The following TACC2 variants were observed in gnomAD, a reference collection of about 807,000 sequenced individuals.
TACC2 encodes transforming acidic coiled-coil-containing protein 2.
TACC2 carries 137 observed loss-of-function variants against 227.3 expected under a neutral mutation model. That is an observed-to-expected ratio of 0.60 (90% CI 0.52 to 0.69). The LOEUF (loss-of-function observed/expected upper bound fraction) is 0.69. TACC2 is among the 30% of genes least tolerant of loss of function. TACC2 has a pLI of 0.00. For missense variants in TACC2, 3,470 were observed against 3,694.4 expected (o/e 0.94, Z 1.57); for synonymous variants, 1,523 against 1,487.5 (o/e 1.02, Z -0.55).
At chr10:122,159,367 C>T (rs1228555317) in intron 7 of TACC2, among the ~76,000 whole-genome samples, 1 of 152,226 alleles carries the variant, frequency 6.6e-6, no homozygotes, top group Admixed American at 6.5e-5. Context: ...GAAAGCCCGG[C>T]ACCGCACCAT....
At chr10:122,066,122 G>A (rs1282547737) in intron 3 of TACC2, among the ~76,000 whole-genome samples, 1 of 150,766 alleles carries the variant, frequency 6.6e-6, no homozygotes, top group Admixed American at 6.6e-5. Context: ...TTTGAGACAG[G>A]GTCTCACTCT....
chr10:122,080,118 G>A (rs1165890154), intron 3 of TACC2, among the ~76,000 whole-genome samples: 1 of 152,094 alleles, frequency 6.6e-6, no homozygotes, highest in Non-Finnish European at 1.5e-5. Flanking sequence ...TTCTGGTGAG[G>A]CCTTTCTTCC....
chr10:122,004,912 T>C (rs1954874238), intron 1 of TACC2, among the ~76,000 whole-genome samples: 1 of 152,204 alleles, frequency 6.6e-6, no homozygotes, highest in Non-Finnish European at 1.5e-5. Flanking sequence ...TCCCCTTTTA[T>C]CTAAGAGTTG....
intron 3 of TACC2, among the ~76,000 whole-genome samples, chr10:122,081,525 C>CT (rs1266589474): frequency 3.9e-5 from 3 of 77,252 alleles, no homozygotes; most frequent in African/African-American, 1.1e-4. Flanking sequence ...GAGACTCCGT[C>CT]TCAAAAAAAA....
At chr10:122,071,348 G>C (rs1397340875) in intron 3 of TACC2, among the ~76,000 whole-genome samples, 1 of 152,190 alleles carries the variant, frequency 6.6e-6, no homozygotes, top group African/African-American at 2.4e-5. Context: ...GCTATGGGGA[G>C]TACTGGTGTG....
chr10:121,990,327 AG>A (rs1295071076), intron 1 of TACC2, among the ~76,000 whole-genome samples: 1 of 152,080 alleles, frequency 6.6e-6, no homozygotes, highest in Non-Finnish European at 1.5e-5. Flanking sequence ...CGTGTTGGCC[AG>A]GCTGGTCTCA....
intron 1 of TACC2, chr10:122,019,751 G>GCGCTGCTTGAGGTGTGTCAGGGC (rs1364569620): frequency 1.3e-5 from 2 of 152,322 alleles, no homozygotes; most frequent in African/African-American, 4.8e-5. Context: ...GGGCGGAGAC[G>GCGCTGCTTGAGGTGTGTCAGGGC]CGCTGCTTGA....
At position 122,084,491 on chromosome 10, in the gene TACC2, G is replaced by A. The variant is rs759104786; in HGVS notation, c.1991G>A (p.Gly664Asp). 1 of 1,613,396 alleles carries A rather than the reference G, an allele frequency of 6.2e-7. No individual in the cohort carries two copies. The change falls in exon 4 of 23, where the codon GGT (glycine) becomes GAT (aspartate). Residue 664 changes from glycine to aspartate, a missense_variant. Gly to Asp is a moderately conservative substitution (Grantham distance 94). Transcript: ENST00000369005. The stretch of plus-strand genomic sequence containing the variant: ...GCATCTGGCCTACCACACAAGCTGG[G>A]TGAGGAGGACCCCGTCCTGCCCCCT... ...ADASGLPHKL[G>D]EEDPVLPPVP...
intron 3 of TACC2, among the ~76,000 whole-genome samples, chr10:122,079,327 G>C (rs2079185208): frequency 6.6e-6 from 1 of 152,152 alleles, no homozygotes; most frequent in Admixed American, 6.5e-5. Context: ...ACCCCAAGTA[G>C]TTTTCCAGAT....
rs143070516 is a variant in TACC2, at chr10:122,173,574, A to G, written c.5835-21466A>G. Among the ~76,000 whole-genome samples, 355 of 152,348 alleles carry G rather than the reference A, an allele frequency of 2.3e-3. 2 individuals are homozygous for G. The highest frequency in any genetic ancestry group is 7.8e-3 in the African/African-American group (323 of 41,582). ...CTAAGAGAAGTGACACGAGACACAG[A>G]AGAGGCAAGAGGCTGGAGGAGTGTG... On this transcript the variant is annotated intron_variant, in intron 7 of 22. Coordinates refer to ENST00000369005, the MANE Select transcript of TACC2 (RefSeq NM_206862.4).
At position 122,141,660 on chromosome 10, in the gene TACC2, C is replaced by T. The variant is rs1183435582; in HGVS notation, c.5700-1912C>T. ...TGGCTTTGTTGTGATTAGCAGCGGG[C>T]CACAGATCTAAGGTAGCATCTCCCC... is the stretch of plus-strand genomic sequence containing the variant. On this transcript the variant is annotated intron_variant, in intron 6 of 22. Coordinates refer to ENST00000369005, the MANE Select transcript of TACC2 (RefSeq NM_206862.4). The surrounding 1 kb of genome is among the most constrained non-coding windows in gnomAD (Gnocchi z 4.3). Among the ~76,000 whole-genome samples the T allele has an allele frequency of 1.3e-5, 2 of 152,082 alleles. No individual in the cohort carries two copies. The highest frequency in any genetic ancestry group is 2.9e-5 in the Non-Finnish European group (2 of 68,004).
chr10:122,029,673 A>G (rs1444946042), intron 2 of TACC2, among the ~76,000 whole-genome samples: 2 of 152,168 alleles, frequency 1.3e-5, no homozygotes, highest in East Asian at 3.8e-4. Context: ...GCCTCCCAGT[A>G]ATTTCCACTT....
intron 7 of TACC2, among the ~76,000 whole-genome samples, chr10:122,170,324 A>T (rs1256570287): frequency 8.0e-6 from 1 of 124,420 alleles, no homozygotes; most frequent in Non-Finnish European, 1.6e-5. Context: ...GGCTGGAGTG[A>T]AGTGGCATGA....
intron 8 of TACC2, among the ~76,000 whole-genome samples, chr10:122,206,845 C>G (rs2095126695): frequency 6.6e-6 from 1 of 152,190 alleles, no homozygotes; most frequent in African/African-American, 2.4e-5. Flanking sequence ...ATCTGGGTTC[C>G]TATCCTTCCT....
chr10:122,008,415 C>G (rs191567340), intron 1 of TACC2, among the ~76,000 whole-genome samples: 1 of 151,808 alleles, frequency 6.6e-6, no homozygotes, highest in Admixed American at 6.6e-5. Flanking sequence ...CATGTGCCAC[C>G]AGGCCTGGCT....
chr10:122,124,148 C>CCGGA (rs2086378603), intron 5 of TACC2, among the ~76,000 whole-genome samples: 1 of 152,138 alleles, frequency 6.6e-6, no homozygotes, highest in African/African-American at 2.4e-5. Flanking sequence ...AGTAATAATA[C>CCGGA]CGGAGGTCTA....
At chr10:122,037,793 G>T (rs959513116) in intron 2 of TACC2, among the ~76,000 whole-genome samples, 1 of 152,194 alleles carries the variant, frequency 6.6e-6, no homozygotes, top group African/African-American at 2.4e-5. Flanking sequence ...AATGATCAAG[G>T]GGCAGAGCCC....
At chr10:122,134,510 T>C (rs775722605) in intron 6 of TACC2, among the ~76,000 whole-genome samples, 8 of 152,188 alleles carry the variant, frequency 5.3e-5, no homozygotes, top group Non-Finnish European at 1.2e-4. Context: ...TTTGTGTGAC[T>C]TTAACTTCTT....
intron 3 of TACC2, among the ~76,000 whole-genome samples, chr10:122,063,014 A>G (rs1487657130): frequency 6.6e-6 from 1 of 152,204 alleles, no homozygotes; most frequent in Admixed American, 6.5e-5. Flanking sequence ...GGCGGGGACT[A>G]GAACCGAGGC....
Sources: allele counts gnomAD v4.1 joint callset (sites outside exome capture counted in the v4.1 genomes callset), GRCh38; gene constraint gnomAD v4.1.1; non-coding constraint Gnocchi (gnomAD v3.1); transcripts MANE v1.5; gene names NCBI Gene and HGNC (gene_info 2026-07-23, HGNC 2026-07-21).